The following SOX6 variants were observed in gnomAD, a reference collection of about 807,000 sequenced individuals.
SOX6 encodes the protein SRY-box transcription factor 6, also known as transcription factor SOX-6.
In SOX6, 11 loss-of-function variants were observed where a neutral mutation model predicts 97.8. The observed-to-expected ratio is 0.11, with a 90% CI of 0.07 to 0.19. The LOEUF is 0.19. SOX6 is among the 10% of genes least tolerant of loss of function. The pLI is 1.00. For missense variants in SOX6, 810 were observed against 1,039.5 expected, an observed-to-expected ratio of 0.78 and a Z score of 3.04; for synonymous variants, 360 against 371.4, an observed-to-expected ratio of 0.97 and a Z score of 0.35.
intron 4 of SOX6, among the ~76,000 whole-genome samples, chr11:16,592,911 T>G (rs182945739): frequency 2.0e-5 from 3 of 152,036 alleles, no homozygotes; most frequent in Admixed American, 2.0e-4. Flanking sequence ...GATCAGCTCA[T>G]TGAAATAAAA....
intron 1 of SOX6, among the ~76,000 whole-genome samples, chr11:16,415,345 T>G (rs1166123895): frequency 6.6e-6 from 1 of 151,752 alleles, no homozygotes; most frequent in Non-Finnish European, 1.5e-5. Context: ...AAAAGCTGAT[T>G]TCATAGCAGT....
chr11:16,212,438 T>C (rs2134144068), intron 4 of SOX6, among the ~76,000 whole-genome samples: 1 of 152,284 alleles, frequency 6.6e-6, no homozygotes, highest in East Asian at 1.9e-4. Context: ...ACTAGATATA[T>C]AATTTTATGT....
intron 3 of SOX6, among the ~76,000 whole-genome samples, chr11:16,267,165 G>A (rs1295952470): frequency 6.7e-6 from 1 of 149,636 alleles, no homozygotes; most frequent in South Asian, 2.1e-4. Flanking sequence ...AAAAATGCAG[G>A]CAGCAAAAGC....
intron 1 of SOX6, chr11:16,738,419 G>C: frequency 6.5e-6 from 2 of 306,016 alleles, no homozygotes; most frequent in South Asian, 9.6e-5. Context: ...CTCGGCCAAC[G>C]CTCACCGCCA....
intron 4 of SOX6, among the ~76,000 whole-genome samples, chr11:16,530,337 A>T (rs1162429204): frequency 1.3e-5 from 2 of 152,048 alleles, no homozygotes; most frequent in South Asian, 2.1e-4. Flanking sequence ...ACATTTTTTT[A>T]AAGTGCAATT....
At chr11:16,439,989 T>C (rs2133084750) in intron 1 of SOX6, among the ~76,000 whole-genome samples, 1 of 152,290 alleles carries the variant, frequency 6.6e-6, no homozygotes, top group South Asian at 2.1e-4. Context: ...TTAAGTTCCA[T>C]ATATAGACAC....
In SOX6 at chr11:16,610,902, A is replaced by G. The variant is rs1482681734; in HGVS notation, n.609+1179T>C. On this transcript the variant is annotated intron_variant and non_coding_transcript_variant, in intron 4 of 5. Coordinates refer to the SOX6 transcript ENST00000524520. This position sits in a 1 kb window ranked among gnomAD's most constrained non-coding sequence, Gnocchi z 4.4. ...GTTCCCGGAGGAGCAGAGGGCACCCAGGCACGGTGGCCAGATCCAGGAACT... is the reference window on the plus strand; with the variant it reads ...GTTCCCGGAGGAGCAGAGGGCACCCGGGCACGGTGGCCAGATCCAGGAACT... 6.6e-6 allele frequency among the ~76,000 whole-genome samples: 1 copy of G among 152,238 alleles called. No individual in the cohort carries two copies. The highest frequency in any genetic ancestry group is 2.4e-5 in the African/African-American group (1 of 41,466).
chr11:16,524,930 T>C (rs909582965), intron 4 of SOX6, among the ~76,000 whole-genome samples: 3 of 152,136 alleles, frequency 2.0e-5, no homozygotes, highest in Admixed American at 6.5e-5. Context: ...ACAAGGGACG[T>C]GAAGGACCTC....
chr11:16,722,067 A>C (rs1216726280), intron 2 of SOX6, among the ~76,000 whole-genome samples: 1 of 152,046 alleles, frequency 6.6e-6, no homozygotes, highest in East Asian at 1.9e-4. Flanking sequence ...AAAACCAAAA[A>C]CTATAAAAAC....
intron 6 of SOX6, among the ~76,000 whole-genome samples, chr11:16,144,837 C>G (rs1046168583): frequency 2.0e-5 from 3 of 152,274 alleles, no homozygotes; most frequent in East Asian, 3.9e-4. Flanking sequence ...ATAACAGGCT[C>G]TGAAATTGAG....
At chr11:16,308,264 G>C (rs1855496033) in intron 3 of SOX6, among the ~76,000 whole-genome samples, 1 of 152,120 alleles carries the variant, frequency 6.6e-6, no homozygotes, top group Non-Finnish European at 1.5e-5. Context: ...TATTCAGTTT[G>C]AACTGAAAAT....
intron 2 of SOX6, among the ~76,000 whole-genome samples, chr11:16,734,420 T>C (rs975837074): frequency 6.6e-6 from 1 of 152,244 alleles, no homozygotes; most frequent in Admixed American, 6.5e-5. Context: ...TTTGCTTCAA[T>C]GACACTAACC....
At chr11:16,724,376 G>A (rs1461107259) in intron 2 of SOX6, among the ~76,000 whole-genome samples, 1 of 152,002 alleles carries the variant, frequency 6.6e-6, no homozygotes, top group African/African-American at 2.4e-5. Flanking sequence ...TGTAACAAAT[G>A]TAAAGCATAT....
At chr11:16,315,906 G>T (rs1855746969) in intron 3 of SOX6, 1 of 152,104 alleles carries the variant, frequency 6.6e-6, no homozygotes, top group South Asian at 2.1e-4. Context: ...ATGCCTTTGA[G>T]TTCCTCTTAA....
intron 1 of SOX6, among the ~76,000 whole-genome samples, chr11:16,429,665 G>GA (rs1859229564): frequency 1.3e-5 from 2 of 152,028 alleles, no homozygotes; most frequent in African/African-American, 4.8e-5. Context: ...AACACACACT[G>GA]GGGCCTATCA....
intron 1 of SOX6, among the ~76,000 whole-genome samples, chr11:16,448,495 G>C (rs573960820): frequency 2.4e-4 from 36 of 152,080 alleles, no homozygotes; most frequent in African/African-American, 8.4e-4. Context: ...TCAAGTGAAA[G>C]AAGTGAATAT....
chr11:16,046,595 T>A lies in SOX6; in HGVS notation c.1542A>T (p.Gln514His). 1 of 1,613,810 alleles carries A rather than the reference T, an allele frequency of 6.2e-7. No individual in the cohort carries two copies. Among genetic ancestry groups the A allele is most frequent in the Non-Finnish European group, 8.5e-7 (1 of 1,179,828 alleles). ...RKMREQIQRE[Q>H]QQQQPHGVDG... ...CAACACCATGTGGCTGTTGCTGCTG[T>A]TGCTCCCGCTGGATCTGCTCTCGCA... Residue 514 changes from glutamine (Q) to histidine (H), a missense_variant, in exon 12 of 16, where the codon CAA becomes CAT. By Grantham distance (24) the Gln-to-His change is conservative (BLOSUM62 0). This residue lies in a region of SOX6 where 120 missense variants were observed against 127.0 expected (regional missense o/e 0.94). Transcript: ENST00000683767.
intron 9 of SOX6, among the ~76,000 whole-genome samples, chr11:16,061,143 GTTTCACAGGAAATT>G (rs1384475499): frequency 2.0e-5 from 3 of 151,542 alleles, no homozygotes; most frequent in Non-Finnish European, 4.4e-5. Context: ...TAATCACACT[GTTTCACAGGAAATT>G]ATTCTTTTGA....
At chr11:16,141,319 G>A (rs759202876) in intron 6 of SOX6, among the ~76,000 whole-genome samples, 2 of 152,236 alleles carry the variant, frequency 1.3e-5, no homozygotes, top group Non-Finnish European at 2.9e-5. Flanking sequence ...CTAAAAAGGC[G>A]ATGAGACAAG....
Sources: gnomAD v4.1 joint callset for allele counts (sites outside exome capture counted in the v4.1 genomes callset) on GRCh38, gnomAD v4.1.1 for gene constraint, gnomAD v4.1.1 regional missense constraint, Gnocchi (gnomAD v3.1) non-coding constraint, MANE v1.5 for transcripts, NCBI Gene and HGNC (gene_info 2026-07-23, HGNC 2026-07-21) for gene names.